The following NFASC variants were observed in gnomAD, a reference collection of about 807,000 sequenced individuals.
The protein encoded by NFASC is neurofascin homolog.
Under a neutral mutation model 147.5 loss-of-function variants are expected in NFASC, and 43 were observed. The observed-to-expected ratio is 0.29, with a 90% CI of 0.23 to 0.38. The LOEUF is 0.38. Among genes scored for constraint, NFASC ranks in the 10% least tolerant of loss-of-function variants. The pLI is 1.00. For synonymous variants in NFASC, 622 were observed against 665.5 expected (o/e 0.93, Z 1.01); for missense variants, 1,320 against 1,689.0 (o/e 0.78, Z 3.83).
intron 5 of NFASC, among the ~76,000 whole-genome samples, chr1:204,952,886 G>T (rs952728751): frequency 4.6e-5 from 7 of 152,150 alleles, no homozygotes. Flanking sequence ...GCCAAGCAGA[G>T]GCAGCCAGGT....
At chr1:204,978,758 G>T (rs949472728) in intron 17 of NFASC, among the ~76,000 whole-genome samples, 2 of 152,176 alleles carry the variant, frequency 1.3e-5, no homozygotes, top group East Asian at 3.9e-4. Flanking sequence ...TCTTTGTGGG[G>T]GGGGGCTGGG....
At chr1:204,929,832 T>C (rs1484808469) in intron 2 of NFASC, among the ~76,000 whole-genome samples, 1 of 152,198 alleles carries the variant, frequency 6.6e-6, no homozygotes, top group Non-Finnish European at 1.5e-5. Context: ...TGGGATGGGC[T>C]AGGCATCAAT....
At chr1:204,930,533 C>G (rs968977890) in intron 2 of NFASC, among the ~76,000 whole-genome samples, 1 of 152,112 alleles carries the variant, frequency 6.6e-6, no homozygotes, top group Non-Finnish European at 1.5e-5. Flanking sequence ...TGTACTGTCT[C>G]AGGAGAGACA....
At chr1:204,860,156 T>G (rs1025456076) in intron 1 of NFASC, among the ~76,000 whole-genome samples, 1 of 152,130 alleles carries the variant, frequency 6.6e-6, no homozygotes, top group Non-Finnish European at 1.5e-5. Context: ...CCAGGAGAGA[T>G]AGCAGTGATG....
At chr1:204,923,939 G>A (rs969175939) in intron 2 of NFASC, among the ~76,000 whole-genome samples, 2 of 152,202 alleles carry the variant, frequency 1.3e-5, no homozygotes, top group African/African-American at 4.8e-5. Flanking sequence ...CAGAGGCTGG[G>A]CTGTTTGAAA....
chr1:204,951,755 C>A (rs1461385879), intron 4 of NFASC, among the ~76,000 whole-genome samples: 2 of 152,180 alleles, frequency 1.3e-5, no homozygotes, highest in Admixed American at 1.3e-4. Context: ...AAGCGTGAGC[C>A]ACCACGCCTG....
At chr1:204,951,315 ATTTTTTTTTTT>A (rs33974199) in intron 4 of NFASC, among the ~76,000 whole-genome samples, 1 of 118,816 alleles carries the variant, frequency 8.4e-6, no homozygotes, top group South Asian at 2.9e-4. Flanking sequence ...TGCCCGGCTA[ATTTTTTTTTTT>A]TTTTTTTTTT....
intron 21 of NFASC, 27 bp downstream of exon 21, chr1:204,982,047 A>G: frequency 3.4e-6 from 5 of 1,454,554 alleles, no homozygotes; most frequent in East Asian, 2.6e-5. Flanking sequence ...CCGTCCCCCC[A>G]TCAGGACCCT....
At chr1:204,938,928 C>T (rs2093115172) in intron 2 of NFASC, among the ~76,000 whole-genome samples, 2 of 152,172 alleles carry the variant, frequency 1.3e-5, no homozygotes. Context: ...GGAATGTTGT[C>T]AGTAACACAC....
chr1:204,852,698 C>T (rs2075800920), intron 1 of NFASC, among the ~76,000 whole-genome samples: 1 of 152,210 alleles, frequency 6.6e-6, no homozygotes. Flanking sequence ...TCCATCCTCT[C>T]CTACCAGCTG....
Position 204,980,459 on chromosome 1 carries a change from C to G in NFASC, c.2247+19C>G. The G allele has an allele frequency of 6.3e-7, 1 of 1,592,028 alleles. No individual in the cohort carries two copies. Among genetic ancestry groups the G allele is most frequent in the South Asian group, 1.1e-5 (1 of 89,548 alleles). On this transcript the variant is annotated intron_variant, in intron 20 of 29. Transcript: ENST00000339876. ...GTGGACGGTAAGAGGCCCTCCCAGC[C>G]CCAGTGGAGCAGCTCACCTTGCCGC...
At chr1:204,973,694 A>C (rs561830648) in intron 12 of NFASC, among the ~76,000 whole-genome samples, 1 of 152,270 alleles carries the variant, frequency 6.6e-6, no homozygotes, top group South Asian at 2.1e-4. Flanking sequence ...ATGAGCAGAC[A>C]GTTAATTCCA....
intron 1 of NFASC, among the ~76,000 whole-genome samples, chr1:204,852,775 G>A (rs993532498): frequency 1.3e-5 from 2 of 152,256 alleles, no homozygotes; most frequent in Non-Finnish European, 2.9e-5. Flanking sequence ...GACTCTGGGG[G>A]TACTGCTGTG....
At chr1:204,847,899 CAG>C (rs1404031252) in intron 1 of NFASC, among the ~76,000 whole-genome samples, 1 of 152,160 alleles carries the variant, frequency 6.6e-6, no homozygotes, top group African/African-American at 2.4e-5. Flanking sequence ...CCCTCCGGGT[CAG>C]AGGAGTTCAA....
At position 204,950,575 on chromosome 1, in the gene NFASC, G is replaced by GT; in HGVS notation, c.109+2dup. Reference sequence around the variant, plus strand: ...CTAACAGCAAGCATTCAGAATGAGCGTAAGTGCCCTGTGTGCCTCTCTGTG... The same window carrying GT: ...CTAACAGCAAGCATTCAGAATGAGCGTTAAGTGCCCTGTGTGCCTCTCTGTG... On this transcript the variant is annotated splice_donor_variant, in intron 4 of 29. Coordinates refer to ENST00000339876, the MANE Select transcript of NFASC (RefSeq NM_001005388.3). LOFTEE classifies it high-confidence loss of function. The GT allele has an allele frequency of 6.2e-7, 1 of 1,612,568 alleles. No individual in the cohort carries two copies. The highest frequency in any genetic ancestry group is 8.5e-7 in the Non-Finnish European group (1 of 1,179,266).
chr1:204,936,803 T>A (rs1375221998), intron 2 of NFASC, among the ~76,000 whole-genome samples: 1 of 152,232 alleles, frequency 6.6e-6, no homozygotes, highest in Non-Finnish European at 1.5e-5. Context: ...CTTCCTATCA[T>A]GCTTAGAATG....
chr1:205,021,242 T>C lies in NFASC; in HGVS notation c.*4703T>C, dbSNP rs997885165. 7.9e-5 allele frequency: 12 copies of C among 152,578 alleles called. No homozygotes were observed. Among genetic ancestry groups the C allele is most frequent in the African/African-American group, 2.9e-4 (12 of 41,422 alleles). The allele number at this position is 152,578 out of a possible 1,614,324, so 9.5% of individuals were successfully genotyped here. ...CCTGCACAGCCCAAGCCCAGGGAAG[T>C]GTCCTTTCTTTCCCTTCCTTACTAA... On this transcript the variant is annotated 3_prime_UTR_variant, in exon 30 of 30. Transcript: ENST00000339876.
At chr1:204,964,544 A>G (rs2094845602) in intron 8 of NFASC, among the ~76,000 whole-genome samples, 1 of 152,236 alleles carries the variant, frequency 6.6e-6, no homozygotes, top group Non-Finnish European at 1.5e-5. Context: ...AGCTCCAACT[A>G]CTGCATATGA....
chr1:204,926,078 C>T (rs987681084), intron 2 of NFASC, among the ~76,000 whole-genome samples: 2 of 151,454 alleles, frequency 1.3e-5, no homozygotes, highest in Non-Finnish European at 1.5e-5. Flanking sequence ...AGGTGACATA[C>T]AAGATCTTAG....
Sources: gnomAD v4.1 joint callset for allele counts (sites outside exome capture counted in the v4.1 genomes callset) on GRCh38, gnomAD v4.1.1 for gene constraint, MANE v1.5 for transcripts, NCBI Gene and HGNC (gene_info 2026-07-23, HGNC 2026-07-21) for gene names.